Variants in PLXNA4 observed in about 807,000 individuals in gnomAD.
PLXNA4 encodes the protein plexin-A4.
A neutral mutation model predicts 191.8 loss-of-function variants in PLXNA4; 44 were observed. That is an observed-to-expected ratio of 0.23 (90% CI 0.18 to 0.29). The LOEUF is 0.29. Among genes scored for constraint, PLXNA4 ranks in the 10% least tolerant of loss-of-function variants. The pLI is 1.00. For synonymous variants in PLXNA4, 1,082 were observed against 1,009.5 expected (o/e 1.07, Z -1.36); for missense variants, 1,800 against 2,488.8 (o/e 0.72, Z 5.89).
At chr7:132,479,620 G>A (rs1315952579) in intron 3 of PLXNA4, among the ~76,000 whole-genome samples, 2 of 152,144 alleles carry the variant, frequency 1.3e-5, no homozygotes, top group Admixed American at 6.5e-5. Flanking sequence ...GGGGGGAAGA[G>A]GATTGCTCTT....
At chr7:132,472,931 A>G (rs760295704) in intron 3 of PLXNA4, among the ~76,000 whole-genome samples, 1 of 152,234 alleles carries the variant, frequency 6.6e-6, no homozygotes, top group Non-Finnish European at 1.5e-5. Flanking sequence ...AGGTCCACAG[A>G]TACGGACACA....
Position 132,148,661 on chromosome 7 carries a change from G to C in PLXNA4, c.4661-15C>G. 1 of 1,614,090 alleles carries C rather than the reference G, an allele frequency of 6.2e-7. No individual in the cohort carries two copies. The highest frequency in any genetic ancestry group is 8.5e-7 in the Non-Finnish European group (1 of 1,179,994). ...TTGTCGCCACTCTGCCAAAAGAGCGGTGGCGTTTCAGAGAGGCCCTATGAC... is the reference window on the plus strand; with the variant it reads ...TTGTCGCCACTCTGCCAAAAGAGCGCTGGCGTTTCAGAGAGGCCCTATGAC... On this transcript the variant is annotated splice_polypyrimidine_tract_variant and intron_variant, in intron 25 of 31. Coordinates refer to ENST00000321063, the MANE Select transcript of PLXNA4 (RefSeq NM_020911.2).
rs1396991847 is a variant in PLXNA4, at chr7:132,590,844, G to A, written c.-87+55084C>T. Among the ~76,000 whole-genome samples, 4 of 152,092 alleles carry A rather than the reference G, an allele frequency of 2.6e-5. No homozygotes were observed. In the East Asian group the frequency reaches 7.7e-4, roughly 29 times the overall value. On this transcript the variant is annotated intron_variant, in intron 2 of 4. Coordinates refer to the PLXNA4 transcript ENST00000378539. ...CAATATTAACCATCACACTCATCTA[G>A]CTGCTCAAGCAGTAAGACATTTAAT...
chr7:132,393,444 C>A (rs1234576881), intron 3 of PLXNA4, among the ~76,000 whole-genome samples: 6 of 152,098 alleles, frequency 3.9e-5, no homozygotes, highest in African/African-American at 1.4e-4. Flanking sequence ...GAGCAAACAG[C>A]CCCACATATG....
rs181749335 is a variant in PLXNA4, at chr7:132,149,825, G to A, written c.4661-1179C>T. Among the ~76,000 whole-genome samples the A allele has an allele frequency of 2.8e-4, 43 of 152,238 alleles. 1 individual carries two copies. The highest frequency in any genetic ancestry group is 2.3e-3 in the Admixed American group (35 of 15,292). Reference sequence around the variant, plus strand: ...GCCACATGTTCAGATTCTCTTCCTCGTTTCCCTCCTGCCAAGGCTGGTCCA... The same window carrying A: ...GCCACATGTTCAGATTCTCTTCCTCATTTCCCTCCTGCCAAGGCTGGTCCA... On this transcript the variant is annotated intron_variant, in intron 25 of 31. Transcript: ENST00000321063.
At chr7:132,173,712 A>G (rs1796363078) in intron 21 of PLXNA4, among the ~76,000 whole-genome samples, 1 of 152,242 alleles carries the variant, frequency 6.6e-6, no homozygotes, top group Non-Finnish European at 1.5e-5. Flanking sequence ...CTGCAAACCC[A>G]CACAGCTCCC....
At chr7:132,337,361 C>T (rs774945779) in intron 3 of PLXNA4, among the ~76,000 whole-genome samples, 1 of 152,258 alleles carries the variant, frequency 6.6e-6, no homozygotes, top group Non-Finnish European at 1.5e-5. Context: ...GGAAGCACAT[C>T]AAATTGTGCA....
intron 1 of PLXNA4, among the ~76,000 whole-genome samples, chr7:132,548,324 C>T (rs1172321181): frequency 6.6e-6 from 1 of 152,140 alleles, no homozygotes; most frequent in Non-Finnish European, 1.5e-5. Flanking sequence ...TTATGATAAG[C>T]AGATGAGGCT....
chr7:132,301,622 C>T (rs534929404), intron 3 of PLXNA4, among the ~76,000 whole-genome samples: 24 of 152,274 alleles, frequency 1.6e-4, no homozygotes, highest in Admixed American at 1.1e-3. Context: ...ACACTGAATC[C>T]GGCACTATTG....
intron 13 of PLXNA4, among the ~76,000 whole-genome samples, chr7:132,197,187 T>A (rs1797278496): frequency 6.7e-6 from 1 of 149,890 alleles, no homozygotes; most frequent in South Asian, 2.1e-4. Flanking sequence ...CACAGTTTCA[T>A]TTTTTTTAAA....
At chr7:132,531,155 G>A (rs1384650693) in intron 1 of PLXNA4, among the ~76,000 whole-genome samples, 1 of 152,178 alleles carries the variant, frequency 6.6e-6, no homozygotes, top group Non-Finnish European at 1.5e-5. Flanking sequence ...GACAACTTTA[G>A]TTACACAACA....
Position 132,179,805 on chromosome 7 carries a change from G to T in PLXNA4, c.3756C>A (p.Phe1252Leu). The T allele has an allele frequency of 6.2e-7, 1 of 1,613,434 alleles. No individual in the cohort carries two copies. The highest frequency in any genetic ancestry group is 1.1e-5 in the South Asian group (1 of 91,050). ...TATAGGCAATGAGCACGGCCACGAT[G>T]AAAATGATGAGGAGGCCGCCAGCCA... is the stretch of plus-strand genomic sequence containing the variant. ...IAVAGGLLII[F>L]IVAVLIAYKR... is the part of the protein sequence containing the mutation. Residue 1252 changes from phenylalanine to leucine, a missense_variant, in exon 20 of 32, where the codon TTC becomes TTA. Physicochemically the swap from Phe to Leu is conservative, Grantham distance 22 (BLOSUM62 0). Around this residue, in one of 6 missense-constraint regions of PLXNA4, gnomAD observed 1,397 missense variants for 1,880.4 expected, o/e 0.74. Coordinates refer to ENST00000321063, the MANE Select transcript of PLXNA4 (RefSeq NM_020911.2).
chr7:132,311,397 C>T (rs904840674), intron 3 of PLXNA4, among the ~76,000 whole-genome samples: 1 of 152,058 alleles, frequency 6.6e-6, no homozygotes, highest in Non-Finnish European at 1.5e-5. Context: ...GTCATGAGCG[C>T]TCACTGTCTT....
intron 1 of PLXNA4, among the ~76,000 whole-genome samples, chr7:132,522,126 G>A (rs1022102691): frequency 2.6e-5 from 4 of 152,144 alleles, no homozygotes; most frequent in Non-Finnish European, 4.4e-5. Flanking sequence ...CAGCTCTTCT[G>A]AATCCACTCT....
intron 20 of PLXNA4, among the ~76,000 whole-genome samples, chr7:132,177,079 G>A (rs911912717): frequency 1.4e-4 from 22 of 151,994 alleles, no homozygotes; most frequent in Non-Finnish European, 2.5e-4. Context: ...GAGCGTGTGA[G>A]CACATGAGTG....
chr7:132,563,519 G>T (rs199951045), intron 1 of PLXNA4, among the ~76,000 whole-genome samples: 14 of 11,016 alleles, frequency 1.3e-3, no homozygotes, highest in East Asian at 4.2e-3. Flanking sequence ...TCCTCCTGCT[G>T]CTCCTCCTCC....
At chr7:132,602,849 G>T (rs148981419) in intron 2 of PLXNA4, among the ~76,000 whole-genome samples, 1 of 152,256 alleles carries the variant, frequency 6.6e-6, no homozygotes, top group Admixed American at 6.5e-5. Context: ...TTCTCTACCC[G>T]TGGAAGAGTC....
chr7:132,645,312 C>T (rs758012478), intron 2 of PLXNA4, among the ~76,000 whole-genome samples: 3 of 152,098 alleles, frequency 2.0e-5, no homozygotes, highest in South Asian at 4.2e-4. Flanking sequence ...AGCAGTTTTC[C>T]GCATGCTGTT....
chr7:132,360,476 C>A (rs1351333202), intron 3 of PLXNA4, among the ~76,000 whole-genome samples: 1 of 152,202 alleles, frequency 6.6e-6, no homozygotes, highest in Non-Finnish European at 1.5e-5. Flanking sequence ...ACTAAAAATA[C>A]AGATCAGATA....
Sources: gnomAD v4.1 joint callset for allele counts (sites outside exome capture counted in the v4.1 genomes callset) on GRCh38, gnomAD v4.1.1 for gene constraint, gnomAD v4.1.1 regional missense constraint, MANE v1.5 for transcripts, NCBI Gene and HGNC (gene_info 2026-07-23, HGNC 2026-07-21) for gene names.